EED: variants seen among roughly 807,000 people sequenced by gnomAD.
The protein encoded by EED is embryonic ectoderm development.
In EED, 9 loss-of-function variants were observed where a neutral mutation model predicts 61.0. The ratio of observed to expected loss-of-function variants is 0.15; its 90% CI spans 0.09 to 0.26. The LOEUF is 0.26. Among genes scored for constraint, EED ranks in the 10% least tolerant of loss-of-function variants. EED has a pLI of 1.00. For missense variants in EED, 315 were observed against 542.3 expected (o/e 0.58, Z 4.16); for synonymous variants, 187 against 174.4 (o/e 1.07, Z -0.57).
chr11:86,261,627 T>C (rs1291958275), intron 6 of EED, among the ~76,000 whole-genome samples: 1 of 152,214 alleles, frequency 6.6e-6, no homozygotes, highest in Admixed American at 6.5e-5. Flanking sequence ...CCAGGCTCTT[T>C]GTGATGTCTT....
intron 9 of EED, among the ~76,000 whole-genome samples, chr11:86,269,779 T>A (rs1437194186): frequency 6.6e-6 from 1 of 152,158 alleles, no homozygotes; most frequent in Admixed American, 6.6e-5. Context: ...TTTAAGATTG[T>A]TTTTTTCCAC....
the EED span, among the ~76,000 whole-genome samples, chr11:86,285,440 A>G: frequency 6.6e-6 from 1 of 152,142 alleles, no homozygotes; most frequent in African/African-American, 2.4e-5. Context: ...AAAAAAATTA[A>G]AAGGAAAAAT....
chr11:86,246,132 G>A (rs76654679), intron 1 of EED, among the ~76,000 whole-genome samples: 491 of 152,306 alleles, frequency 3.2e-3, no homozygotes, highest in South Asian at 4.8e-3. Flanking sequence ...GCTCTGAAAT[G>A]GGTATTCGTA....
At chr11:86,270,135 C>T (rs1233779531) in intron 9 of EED, 1 of 700,904 alleles carries the variant, frequency 1.4e-6, no homozygotes, top group Admixed American at 2.0e-5. Context: ...GATCCAGTGT[C>T]TCCGAATCTT....
At position 86,278,605 on chromosome 11, in the gene EED, C is replaced by G; in HGVS notation, c.*80C>G. 6.5e-7 allele frequency: 1 copy of G among 1,539,868 alleles called. No homozygotes were observed. Among genetic ancestry groups the G allele is most frequent in the South Asian group, 1.2e-5 (1 of 80,270 alleles). ...TTAATGTATCTTGCTAGTAAGGGCA[C>G]GTAGAGCATTTAGAGTTGTCTTTCA... is the stretch of plus-strand genomic sequence containing the variant. On this transcript the variant is annotated 3_prime_UTR_variant, in exon 12 of 12. Transcript: ENST00000263360.
intron 6 of EED, among the ~76,000 whole-genome samples, chr11:86,260,259 ACT>A (rs1371086755): frequency 2.0e-5 from 3 of 151,844 alleles, no homozygotes; most frequent in African/African-American, 4.8e-5. Flanking sequence ...ACAGGATCTC[ACT>A]CTGTCAACCA....
intron 6 of EED, among the ~76,000 whole-genome samples, chr11:86,259,663 G>T (rs1945778204): frequency 1.3e-5 from 2 of 152,162 alleles, no homozygotes; most frequent in Non-Finnish European, 2.9e-5. Context: ...ACAATAAAAA[G>T]ACAGCCCAAT....
At chr11:86,274,161 T>G (rs955290957) in intron 9 of EED, among the ~76,000 whole-genome samples, 2 of 151,824 alleles carry the variant, frequency 1.3e-5, no homozygotes, top group Admixed American at 1.3e-4. Flanking sequence ...ATTTACTGAC[T>G]CTTGACCCTC....
intron 6 of EED, among the ~76,000 whole-genome samples, chr11:86,263,368 C>T (rs1945888512): frequency 6.6e-6 from 1 of 152,188 alleles, no homozygotes; most frequent in Admixed American, 6.5e-5. Flanking sequence ...CTTCCAGCCT[C>T]TCCTCGTTAC....
chr11:86,284,426 G>T, the EED span: 3 of 152,222 alleles, frequency 2.0e-5, no homozygotes, highest in South Asian at 6.2e-4. Flanking sequence ...TTCCTTCCTG[G>T]ATTACAACTG....
downstream of EED, among the ~76,000 whole-genome samples, chr11:86,283,458 ATTTC>A (rs149876728): frequency 1.8e-3 from 277 of 152,116 alleles, 1 homozygote; most frequent in African/African-American, 6.6e-3. Flanking sequence ...GGTTTATTGT[ATTTC>A]TTCTGCTACT....
chr11:86,252,576 G>A (rs1473234632), intron 3 of EED, among the ~76,000 whole-genome samples: 1 of 149,888 alleles, frequency 6.7e-6, no homozygotes, highest in Non-Finnish European at 1.5e-5. Flanking sequence ...CATTCAAATA[G>A]CGTAAGAACT....
Position 86,253,169 on chromosome 11 carries a change from CT to C in EED, c.360+936del, listed in dbSNP as rs1467355546. ...TGAAGTTGATAACATGAAATAATAG[CT>C]TTTTTTCTTCTGTTTTTGGTGTTTA... On this transcript the variant is annotated intron_variant, in intron 3 of 11. Transcript: ENST00000263360. 1.1e-4 allele frequency among the ~76,000 whole-genome samples: 17 copies of C among 152,244 alleles called. No individual in the cohort carries two copies. In the East Asian group the frequency reaches 1.3e-3, roughly 12 times the overall value.
intron 1 of EED, among the ~76,000 whole-genome samples, chr11:86,247,605 G>C (rs55958096): frequency 3.0e-3 from 451 of 152,314 alleles, no homozygotes; most frequent in African/African-American, 0.01. Context: ...AATTTTAAAG[G>C]TGGCAAAAAT....
At chr11:86,253,405 T>C (rs1287688909) in intron 3 of EED, among the ~76,000 whole-genome samples, 2 of 152,242 alleles carry the variant, frequency 1.3e-5, no homozygotes, top group Non-Finnish European at 2.9e-5. Context: ...GCTTTGATAG[T>C]ATTATAATTG....
chr11:86,244,797 G>A lies in EED; in HGVS notation c.-433G>A, dbSNP rs1240740544. 4.2e-6 allele frequency: 1 copy of A among 235,706 alleles called. No individual in the cohort carries two copies. Among genetic ancestry groups the A allele is most frequent in the Non-Finnish European group, 8.4e-6 (1 of 119,426 alleles). The allele number at this position is 235,706 out of a possible 1,614,324, so 14.6% of individuals were successfully genotyped here. ...CCTAGCAGCGGGTCGGAGATCGAAG[G>A]AACGGGCCAATTGCGGCTGAAACGT... is the stretch of plus-strand genomic sequence containing the variant. On this transcript the variant is annotated 5_prime_UTR_variant, in exon 1 of 12. Transcript: ENST00000263360.
chr11:86,282,818 A>G (rs1452718519), downstream of EED, among the ~76,000 whole-genome samples: 1 of 152,162 alleles, frequency 6.6e-6, no homozygotes, highest in Non-Finnish European at 1.5e-5. Context: ...GCTGTGTACC[A>G]ATAAAACTTT....
At chr11:86,277,745 T>C (rs1946264984) in intron 10 of EED, 173 bp from the exon 11 acceptor site, 1 of 437,034 alleles carries the variant, frequency 2.3e-6, no homozygotes, top group Non-Finnish European at 3.8e-6. Context: ...GATGTATTAA[T>C]TGCTCTTATT....
rs757732776 is a variant in EED at position 86,250,281 on chromosome 11, A to G, written c.115-15A>G. The G allele has an allele frequency of 2.0e-6, 3 of 1,486,740 alleles. No individual in the cohort carries two copies. The highest frequency in any genetic ancestry group is 2.7e-6 in the Non-Finnish European group (3 of 1,117,176). 92.1% of individuals were successfully genotyped at this position (1,486,740 alleles called of 1,614,324 possible). On this transcript the variant is annotated splice_polypyrimidine_tract_variant and intron_variant, in intron 1 of 11. Coordinates refer to ENST00000263360, the MANE Select transcript of EED (RefSeq NM_003797.5). ...TTGCTGTTTCATGTAATTTTTCCTC[A>G]TTTACTGCTTACAGGATGACGCTGT...
Sources: gnomAD v4.1 joint callset for allele counts (sites outside exome capture counted in the v4.1 genomes callset) on GRCh38, gnomAD v4.1.1 for gene constraint, MANE v1.5 for transcripts, NCBI Gene and HGNC (gene_info 2026-07-23, HGNC 2026-07-21) for gene names.